The following CSRNP3 variants were observed in gnomAD, a reference collection of about 807,000 sequenced individuals.
CSRNP3 encodes the protein cysteine/serine-rich nuclear protein 3.
A neutral mutation model predicts 48.0 loss-of-function variants in CSRNP3; 12 were observed. The observed-to-expected ratio is 0.25, with a 90% CI of 0.16 to 0.41. CSRNP3 has a LOEUF of 0.41. Among genes scored for constraint, CSRNP3 ranks in the 10% least tolerant of loss-of-function variants. The probability of loss-of-function intolerance (pLI) is 1.00; values close to 1 mark genes in which losing one functional copy is unlikely to be tolerated. For synonymous variants in CSRNP3, 263 were observed against 269.7 expected, an observed-to-expected ratio of 0.98 and a Z score of 0.24; for missense variants, 580 against 724.4, an observed-to-expected ratio of 0.80 and a Z score of 2.29.
intron 2 of CSRNP3, among the ~76,000 whole-genome samples, chr2:165,512,717 T>G (rs1313506441): frequency 6.6e-6 from 1 of 152,252 alleles, no homozygotes; most frequent in Non-Finnish European, 1.5e-5. Flanking sequence ...TACTTCAACA[T>G]GTATGTGAAG....
intron 5 of CSRNP3, 120 bp from the exon 6 acceptor site, chr2:165,676,188 TAACA>T (rs2105363296): frequency 1.3e-6 from 1 of 745,730 alleles, no homozygotes; most frequent in African/African-American, 1.7e-5. Context: ...AAAAATGATC[TAACA>T]AACACTTGTT....
chr2:165,620,644 G>C (rs1686323547), intron 4 of CSRNP3, among the ~76,000 whole-genome samples: 1 of 152,088 alleles, frequency 6.6e-6, no homozygotes, highest in Non-Finnish European at 1.5e-5. Context: ...TGTTCATTTT[G>C]TGGCTGATTT....
At chr2:165,585,800 A>G (rs1406655835) in intron 3 of CSRNP3, among the ~76,000 whole-genome samples, 1 of 152,210 alleles carries the variant, frequency 6.6e-6, no homozygotes, top group African/African-American at 2.4e-5. Flanking sequence ...GCCAAATTAC[A>G]AAGGTGGAAG....
chr2:165,594,148 T>G (rs1434315667), intron 3 of CSRNP3, among the ~76,000 whole-genome samples: 2 of 152,192 alleles, frequency 1.3e-5, no homozygotes, highest in Non-Finnish European at 2.9e-5. Flanking sequence ...ACTTCTTATC[T>G]TAACCATTTT....
chr2:165,580,567 T>C (rs530365293), intron 3 of CSRNP3, among the ~76,000 whole-genome samples: 2 of 152,372 alleles, frequency 1.3e-5, no homozygotes, highest in African/African-American at 2.4e-5. Flanking sequence ...TGGATGGGTA[T>C]AGTTCTAAAG....
At chr2:165,662,673 T>C (rs1212405846) in intron 5 of CSRNP3, among the ~76,000 whole-genome samples, 2 of 152,234 alleles carry the variant, frequency 1.3e-5, no homozygotes, top group Non-Finnish European at 2.9e-5. Context: ...TAAAGAACAT[T>C]GGTGTTCCAA....
At chr2:165,530,506 A>G (rs1025577765) in intron 3 of CSRNP3, among the ~76,000 whole-genome samples, 1 of 152,144 alleles carries the variant, frequency 6.6e-6, no homozygotes, top group African/African-American at 2.4e-5. Context: ...TTTACAAGCT[A>G]TATGTATTTT....
At chr2:165,580,042 C>T (rs1685516963) in intron 3 of CSRNP3, among the ~76,000 whole-genome samples, 1 of 151,376 alleles carries the variant, frequency 6.6e-6, no homozygotes, top group Admixed American at 6.6e-5. Context: ...CATTCTCCTG[C>T]CTCAGCCTCC....
At chr2:165,610,342 T>A (rs1317331540) in intron 4 of CSRNP3, among the ~76,000 whole-genome samples, 4 of 152,206 alleles carry the variant, frequency 2.6e-5, no homozygotes, top group African/African-American at 9.7e-5. Flanking sequence ...GAAAATATAG[T>A]AAGGTGTACT....
At chr2:165,585,406 A>G (rs1685612206) in intron 3 of CSRNP3, among the ~76,000 whole-genome samples, 2 of 152,144 alleles carry the variant, frequency 1.3e-5, no homozygotes, top group South Asian at 4.1e-4. Flanking sequence ...AGCCACTCAC[A>G]GGTATTATCA....
At chr2:165,525,963 CA>C (rs1684727489) in intron 3 of CSRNP3, among the ~76,000 whole-genome samples, 1 of 152,194 alleles carries the variant, frequency 6.6e-6, no homozygotes, top group Non-Finnish European at 1.5e-5. Flanking sequence ...TGCTTACGGA[CA>C]TCCAATAGTT....
At chr2:165,672,565 C>T (rs868684361) in intron 5 of CSRNP3, among the ~76,000 whole-genome samples, 10 of 152,234 alleles carry the variant, frequency 6.6e-5, no homozygotes, top group Middle Eastern at 3.4e-3. Flanking sequence ...CCACAACATG[C>T]GGGAATTATG....
At chr2:165,668,350 T>C (rs1315874277) in intron 5 of CSRNP3, among the ~76,000 whole-genome samples, 1 of 152,020 alleles carries the variant, frequency 6.6e-6, no homozygotes, top group African/African-American at 2.4e-5. Flanking sequence ...TTTTCTTCTT[T>C]CCTGAGCTCT....
chr2:165,644,392 G>A (rs1398262957), intron 4 of CSRNP3, among the ~76,000 whole-genome samples: 2 of 152,134 alleles, frequency 1.3e-5, no homozygotes, highest in African/African-American at 4.8e-5. Context: ...ACTGTTGAAT[G>A]TCATCTTATC....
chr2:165,529,057 G>A (rs1265432070), intron 3 of CSRNP3, among the ~76,000 whole-genome samples: 1 of 152,172 alleles, frequency 6.6e-6, no homozygotes, highest in Non-Finnish European at 1.5e-5. Flanking sequence ...CATTCTTGGG[G>A]GCCCAGGAAG....
At chr2:165,586,709 A>G (rs1685639412) in intron 3 of CSRNP3, among the ~76,000 whole-genome samples, 1 of 152,214 alleles carries the variant, frequency 6.6e-6, no homozygotes, top group South Asian at 2.1e-4. Flanking sequence ...AGAAAAAAGG[A>G]TTAAACACTA....
At chr2:165,620,191 G>A in intron 4 of CSRNP3, among the ~76,000 whole-genome samples, 1 of 152,116 alleles carries the variant, frequency 6.6e-6, no homozygotes, top group East Asian at 1.9e-4. Context: ...GTGATATATA[G>A]CCAGAGCTTA....
intron 4 of CSRNP3, among the ~76,000 whole-genome samples, chr2:165,650,821 T>G (rs1686891411): frequency 1.3e-5 from 2 of 152,276 alleles, no homozygotes; most frequent in Non-Finnish European, 2.9e-5. Flanking sequence ...TTGCAAATTA[T>G]CTGGCATTTT....
At chr2:165,664,375 C>T (rs1382208258) in intron 5 of CSRNP3, among the ~76,000 whole-genome samples, 6 of 152,160 alleles carry the variant, frequency 3.9e-5, no homozygotes, top group African/African-American at 1.2e-4. Flanking sequence ...TTTGAAATAG[C>T]GCATTTCATT....
Sources: allele counts gnomAD v4.1 joint callset (sites outside exome capture counted in the v4.1 genomes callset), GRCh38; gene constraint gnomAD v4.1.1; transcripts MANE v1.5; gene names NCBI Gene and HGNC (gene_info 2026-07-23, HGNC 2026-07-21).